FHIT: variants seen among roughly 807,000 people sequenced by gnomAD.
The protein encoded by FHIT is bis(5'-adenosyl)-triphosphatase.
FHIT carries 19 observed loss-of-function variants against 17.9 expected under a neutral mutation model. That is an observed-to-expected ratio of 1.06 (90% confidence interval 0.74 to 1.56). The LOEUF (loss-of-function observed/expected upper bound fraction) is 1.56. FHIT is among the 40% of genes most tolerant of loss of function. The probability of loss-of-function intolerance (pLI) is 0.00; values close to 1 mark genes in which losing one functional copy is unlikely to be tolerated. For synonymous variants in FHIT, 81 were observed against 69.7 expected (o/e 1.16, Z -0.81); for missense variants, 248 against 189.2 (o/e 1.31, Z -1.82).
chr3:61,016,958 C>A (rs1430339801), intron 3 of FHIT, among the ~76,000 whole-genome samples: 2 of 152,258 alleles, frequency 1.3e-5, no homozygotes, highest in East Asian at 3.9e-4. Flanking sequence ...ACAAAAACAA[C>A]CCTAATGCAA....
At chr3:60,483,692 G>C (rs1306310935) in intron 5 of FHIT, among the ~76,000 whole-genome samples, 2 of 151,996 alleles carry the variant, frequency 1.3e-5, no homozygotes, top group East Asian at 3.9e-4. Context: ...AATAATAAGA[G>C]CTACTTATGA....
In FHIT at chr3:61,075,575, T is replaced by C. The variant is rs566781753; in HGVS notation, c.-163-33476A>G. On this transcript the variant is annotated intron_variant, in intron 2 of 9. Transcript: ENST00000492590. ...AGGTGAGGAGAACACAAACAATCCT[T>C]TTCACTGAGATTGAGAACCCAGAAA... 1.5e-4 allele frequency among the ~76,000 whole-genome samples: 23 copies of C among 152,180 alleles called. No individual in the cohort carries two copies. In the South Asian group the frequency reaches 4.8e-3, roughly 32 times the overall value.
intron 4 of FHIT, among the ~76,000 whole-genome samples, chr3:60,565,933 T>A (rs2037118524): frequency 6.6e-6 from 1 of 152,172 alleles, no homozygotes; most frequent in African/African-American, 2.4e-5. Flanking sequence ...CTGCTTTGAA[T>A]GTGTCCCAGA....
At chr3:60,887,094 C>T (rs1459919731) in intron 3 of FHIT, among the ~76,000 whole-genome samples, 2 of 152,150 alleles carry the variant, frequency 1.3e-5, no homozygotes, top group Non-Finnish European at 2.9e-5. Flanking sequence ...AAATTTGTCT[C>T]TCCTGACAAA....
intron 3 of FHIT, among the ~76,000 whole-genome samples, chr3:60,952,320 C>T (rs190468018): frequency 2.7e-4 from 41 of 152,312 alleles, no homozygotes; most frequent in African/African-American, 6.7e-4. Context: ...CTGTTGGATA[C>T]CACAGGCAAC....
chr3:61,020,331 G>A (rs2032346739), intron 3 of FHIT, among the ~76,000 whole-genome samples: 1 of 152,160 alleles, frequency 6.6e-6, no homozygotes, highest in African/African-American at 2.4e-5. Flanking sequence ...CCACATAAAT[G>A]TCTTCTTTTG....
chr3:61,071,586 G>T (rs1484835254), intron 2 of FHIT, among the ~76,000 whole-genome samples: 1 of 152,106 alleles, frequency 6.6e-6, no homozygotes, highest in African/African-American at 2.4e-5. Context: ...CTAAAAATTA[G>T]TTTATAGGAA....
chr3:61,155,556 T>C (rs908107857), intron 2 of FHIT, among the ~76,000 whole-genome samples: 4 of 152,152 alleles, frequency 2.6e-5, no homozygotes, highest in African/African-American at 7.2e-5. Context: ...TGAACAATGA[T>C]CAAGATTTTC....
intron 2 of FHIT, among the ~76,000 whole-genome samples, chr3:61,072,181 T>C (rs1037777472): frequency 1.4e-4 from 22 of 152,208 alleles, no homozygotes; most frequent in African/African-American, 4.3e-4. Flanking sequence ...ATGAGGAGTG[T>C]TGCATTCCTA....
intron 5 of FHIT, among the ~76,000 whole-genome samples, chr3:60,125,646 AT>A (rs994445956): frequency 8.8e-5 from 13 of 148,076 alleles, no homozygotes; most frequent in Non-Finnish European, 7.5e-5. Context: ...ATATATACAT[AT>A]GTGTGTATGT....
At chr3:61,065,268 A>AACAC (rs57357848) in intron 2 of FHIT, among the ~76,000 whole-genome samples, 39,819 of 148,284 alleles carry the variant, frequency 0.27, 6,012 homozygotes, top group Middle Eastern at 0.44. Context: ...AGTCATTTTC[A>AACAC]ACACACACAC....
At chr3:60,163,613 C>G (rs1427188842) in intron 5 of FHIT, among the ~76,000 whole-genome samples, 1 of 152,162 alleles carries the variant, frequency 6.6e-6, no homozygotes, top group African/African-American at 2.4e-5. Flanking sequence ...CTGGAGGAAG[C>G]CTCTCCAGCA....
chr3:61,039,867 A>C (rs2033426218), intron 3 of FHIT, among the ~76,000 whole-genome samples: 1 of 152,196 alleles, frequency 6.6e-6, no homozygotes, highest in Admixed American at 6.5e-5. Flanking sequence ...AACAAACAAA[A>C]AAACTTGTAA....
intron 4 of FHIT, among the ~76,000 whole-genome samples, chr3:60,585,390 C>G (rs1553661331): frequency 6.6e-6 from 1 of 151,984 alleles, no homozygotes; most frequent in Non-Finnish European, 1.5e-5. Context: ...AAACTCTTTA[C>G]ATTGTAAAGC....
rs941902300 is a variant in FHIT, at chr3:59,747,762, T to A, written c.*1823A>T. On this transcript the variant is annotated 3_prime_UTR_variant, in exon 10 of 10. Transcript: ENST00000492590. Reference sequence around the variant, plus strand: ...AAGCTGACTCTTTGGTTTTCCCCCATGCACCTTGTCTTCTTGATATGCCTG... The same window carrying A: ...AAGCTGACTCTTTGGTTTTCCCCCAAGCACCTTGTCTTCTTGATATGCCTG... 1.3e-5 allele frequency among the ~76,000 whole-genome samples: 2 copies of A among 150,968 alleles called. No individual in the cohort carries two copies. Among genetic ancestry groups the A allele is most frequent in the African/African-American group, 4.9e-5 (2 of 41,020 alleles).
chr3:60,634,006 G>A (rs552285028), intron 4 of FHIT, among the ~76,000 whole-genome samples: 1 of 152,278 alleles, frequency 6.6e-6, no homozygotes, highest in South Asian at 2.1e-4. Context: ...CTTCTCTCTG[G>A]CACAGAGCTG....
At chr3:61,063,845 T>A (rs1348989905) in intron 2 of FHIT, among the ~76,000 whole-genome samples, 6 of 152,198 alleles carry the variant, frequency 3.9e-5, no homozygotes, top group Non-Finnish European at 7.3e-5. Context: ...ATGTTTCTAT[T>A]TCCAAATTAT....
intron 5 of FHIT, among the ~76,000 whole-genome samples, chr3:60,069,690 A>G (rs1702680314): frequency 6.6e-6 from 1 of 152,198 alleles, no homozygotes; most frequent in Non-Finnish European, 1.5e-5. Flanking sequence ...CTTCTTGGAA[A>G]GACATTCTGT....
At chr3:60,468,169 G>C (rs1248899867) in intron 5 of FHIT, among the ~76,000 whole-genome samples, 1 of 151,790 alleles carries the variant, frequency 6.6e-6, no homozygotes, top group East Asian at 1.9e-4. Flanking sequence ...TTTATTTTTA[G>C]TCTATGTGTG....
Sources: allele counts gnomAD v4.1 joint callset (sites outside exome capture counted in the v4.1 genomes callset), GRCh38; gene constraint gnomAD v4.1.1; transcripts MANE v1.5; gene names NCBI Gene and HGNC (gene_info 2026-07-23, HGNC 2026-07-21).